ADARB2: variants seen among roughly 807,000 people sequenced by gnomAD.
ADARB2 encodes the protein inactive double-stranded RNA-specific editase B2.
A neutral mutation model predicts 62.2 loss-of-function variants in ADARB2; 25 were observed. The ratio of observed to expected loss-of-function variants is 0.40; its 90% CI spans 0.29 to 0.56. ADARB2 has a LOEUF of 0.56. ADARB2 is among the 20% of genes least tolerant of loss of function. The pLI is 0.43. For missense variants in ADARB2, 1,071 were observed against 1,077.4 expected, an observed-to-expected ratio of 0.99 and a Z score of 0.08; for synonymous variants, 572 against 500.8, an observed-to-expected ratio of 1.14 and a Z score of -1.90.
Position 1,184,857 on chromosome 10 carries a change from C to A in ADARB2, c.2043+4G>T. The A allele has an allele frequency of 6.2e-7, 1 of 1,611,370 alleles. No individual in the cohort carries two copies. The highest frequency in any genetic ancestry group is 1.1e-5 in the South Asian group (1 of 90,888). On this transcript the variant is annotated splice_donor_region_variant and intron_variant, in intron 9 of 9. Coordinates refer to ENST00000381312, the MANE Select transcript of ADARB2 (RefSeq NM_018702.4). ...GTTTCCCTGCAAGGATGGGTGCGAC[C>A]TACCCTGCCATACAGCCGCGCCCAC...
At chr10:1,592,199 G>A (rs1833265700) in intron 1 of ADARB2, among the ~76,000 whole-genome samples, 1 of 152,104 alleles carries the variant, frequency 6.6e-6, no homozygotes, top group Non-Finnish European at 1.5e-5. Context: ...GCCCTCGCAA[G>A]TATAACAAAG....
At chr10:1,657,564 G>A (rs1834187314) in intron 1 of ADARB2, among the ~76,000 whole-genome samples, 1 of 152,054 alleles carries the variant, frequency 6.6e-6, no homozygotes, top group Admixed American at 6.5e-5. Flanking sequence ...TTTCCTGAAG[G>A]TCTCCCATTT....
rs1485995087 is a variant in ADARB2 at position 1,477,414 on chromosome 10, T to C, written c.101-98254A>G. On this transcript the variant is annotated intron_variant, in intron 1 of 9. Transcript: ENST00000381312. The surrounding 1 kb of genome is among the most constrained non-coding windows in gnomAD (Gnocchi z 4.5). ...CCCATGGCCCCCTCCAGCATGACCC[T>C]ATACAGCTTCCTTCCAGCCCTGCTT... Among the ~76,000 whole-genome samples the C allele has an allele frequency of 1.3e-5, 2 of 152,186 alleles. No homozygotes were observed. The highest frequency in any genetic ancestry group is 2.9e-5 in the Non-Finnish European group (2 of 68,042).
intron 3 of ADARB2, among the ~76,000 whole-genome samples, chr10:1,353,949 C>T (rs1335301613): frequency 6.6e-6 from 1 of 152,200 alleles, no homozygotes; most frequent in Non-Finnish European, 1.5e-5. Context: ...CCGTAAATAA[C>T]AGAGGTTGCT....
chr10:1,650,996 A>G (rs1834103068), intron 1 of ADARB2, among the ~76,000 whole-genome samples: 1 of 152,166 alleles, frequency 6.6e-6, no homozygotes, highest in African/African-American at 2.4e-5. Context: ...TCTGAAGGAC[A>G]CCAGAGAGCT....
At chr10:1,408,333 CA>C (rs1470036241) in intron 1 of ADARB2, among the ~76,000 whole-genome samples, 2 of 152,174 alleles carry the variant, frequency 1.3e-5, no homozygotes, top group African/African-American at 4.8e-5. Flanking sequence ...CAGGGAGCAT[CA>C]GTGTTTTTAG....
chr10:1,303,635 C>G (rs1266867267), intron 3 of ADARB2, among the ~76,000 whole-genome samples: 1 of 151,718 alleles, frequency 6.6e-6, no homozygotes, highest in Non-Finnish European at 1.5e-5. Context: ...AGAGAAGGGT[C>G]GGGTTACCCT....
chr10:1,465,334 A>G (rs1368367732), intron 1 of ADARB2, among the ~76,000 whole-genome samples: 1 of 152,188 alleles, frequency 6.6e-6, no homozygotes, highest in Non-Finnish European at 1.5e-5. Flanking sequence ...AGCACCGTGC[A>G]CCAAAGGACT....
At chr10:1,225,889 T>C (rs527349632) in intron 6 of ADARB2, among the ~76,000 whole-genome samples, 4,219 of 152,148 alleles carry the variant, frequency 0.028, 187 homozygotes, top group African/African-American at 0.095. Flanking sequence ...TTATGTGTCT[T>C]GGAGCTGCTC....
At chr10:1,207,118 G>A (rs570313312) in intron 7 of ADARB2, among the ~76,000 whole-genome samples, 42 of 152,298 alleles carry the variant, frequency 2.8e-4, no homozygotes, top group African/African-American at 9.9e-4. Context: ...AGGCTGAGGC[G>A]GGTGGATCAC....
chr10:1,652,538 G>A (rs1834124128), intron 1 of ADARB2, among the ~76,000 whole-genome samples: 1 of 152,178 alleles, frequency 6.6e-6, no homozygotes, highest in South Asian at 2.1e-4. Context: ...GGGCAAATGA[G>A]AAATAGCTAA....
At chr10:1,390,266 C>T (rs2820597) in intron 1 of ADARB2, among the ~76,000 whole-genome samples, 7,721 of 152,200 alleles carry the variant, frequency 0.051, 678 homozygotes, top group African/African-American at 0.17. Context: ...TTCAGCACTC[C>T]GTGGAGAAAG....
At chr10:1,293,356 G>A (rs1302522656) in intron 3 of ADARB2, among the ~76,000 whole-genome samples, 8 of 150,514 alleles carry the variant, frequency 5.3e-5, no homozygotes, top group Non-Finnish European at 3.0e-5. Flanking sequence ...AAAGAGAAGG[G>A]AGGGAGGAAG....
chr10:1,383,811 C>T (rs1410148605), intron 1 of ADARB2, among the ~76,000 whole-genome samples: 1 of 152,232 alleles, frequency 6.6e-6, no homozygotes, highest in Admixed American at 6.5e-5. Context: ...CCTACAGTTG[C>T]CTTCCACACT....
intron 1 of ADARB2, among the ~76,000 whole-genome samples, chr10:1,456,929 A>C (rs1167116536): frequency 6.6e-6 from 1 of 151,236 alleles, no homozygotes; most frequent in Non-Finnish European, 1.5e-5. Flanking sequence ...CGAGTAGCTG[A>C]GATTACAGGC....
chr10:1,385,097 T>G (rs74119858), intron 1 of ADARB2, among the ~76,000 whole-genome samples: 4,102 of 152,214 alleles, frequency 0.027, 100 homozygotes, highest in East Asian at 0.12. Context: ...ATCTAGTTGA[T>G]CATTTCAACT....
At chr10:1,187,033 C>G (rs1256272280) in intron 8 of ADARB2, among the ~76,000 whole-genome samples, 1 of 152,264 alleles carries the variant, frequency 6.6e-6, no homozygotes, top group Non-Finnish European at 1.5e-5. Flanking sequence ...TGTGGACAGA[C>G]TGAGCACATG....
Position 1,704,677 on chromosome 10 carries a change from G to T in ADARB2, c.100+32374C>A, listed in dbSNP as rs1054922043. ...CATCTAACTCTGGGGTTTTGTGAGG[G>T]GTACATATAAAGTGGTTTGGAATCA... is the stretch of plus-strand genomic sequence containing the variant. On this transcript the variant is annotated intron_variant, in intron 1 of 9. Transcript: ENST00000381312. The surrounding 1 kb of genome is among the most constrained non-coding windows in gnomAD (Gnocchi z 5.6). Among the ~76,000 whole-genome samples, 2 of 152,116 alleles carry T rather than the reference G, an allele frequency of 1.3e-5. No homozygotes were observed. The highest frequency in any genetic ancestry group is 2.9e-5 in the Non-Finnish European group (2 of 68,028).
intron 3 of ADARB2, among the ~76,000 whole-genome samples, chr10:1,320,604 G>A (rs1053496245): frequency 6.6e-6 from 1 of 152,202 alleles, no homozygotes; most frequent in Non-Finnish European, 1.5e-5. Flanking sequence ...TATCTGCAAA[G>A]TGAGAATTTT....
Sources: allele counts gnomAD v4.1 joint callset (sites outside exome capture counted in the v4.1 genomes callset), GRCh38; gene constraint gnomAD v4.1.1; non-coding constraint Gnocchi (gnomAD v3.1); transcripts MANE v1.5; gene names NCBI Gene and HGNC (gene_info 2026-07-23, HGNC 2026-07-21).